Variants in CNTN3 observed in about 807,000 individuals in gnomAD.
The protein encoded by CNTN3 is contactin 3.
A neutral mutation model predicts 119.1 loss-of-function variants in CNTN3; 60 were observed. The ratio of observed to expected loss-of-function variants is 0.50; its 90% confidence interval spans 0.41 to 0.62. The LOEUF (loss-of-function observed/expected upper bound fraction) is 0.62, where lower values mean the gene tolerates loss of function less well. Ranked by LOEUF, CNTN3 falls within the 20% of genes least tolerant of loss-of-function variation. The probability of loss-of-function intolerance (pLI) is 0.00; values close to 1 mark genes in which losing one functional copy is unlikely to be tolerated. For missense variants in CNTN3, 1,101 were observed against 1,242.4 expected, an observed-to-expected ratio of 0.89 and a Z score of 1.71; for synonymous variants, 450 against 438.7, an observed-to-expected ratio of 1.03 and a Z score of -0.32.
At chr3:74,275,874 A>G (rs528724300) in intron 20 of CNTN3, among the ~76,000 whole-genome samples, 2 of 152,224 alleles carry the variant, frequency 1.3e-5, no homozygotes, top group South Asian at 4.1e-4. Flanking sequence ...TCACCAAACA[A>G]ATATCTGCTG....
At chr3:74,589,434 A>G (rs868551243) in intron 1 of CNTN3, among the ~76,000 whole-genome samples, 2,899 of 144,370 alleles carry the variant, frequency 0.02, 66 homozygotes, top group African/African-American at 0.073. Flanking sequence ...TTAGAATGGC[A>G]ATCATTAAAA....
chr3:74,442,642 C>T (rs1170368297), intron 4 of CNTN3, among the ~76,000 whole-genome samples: 1 of 152,180 alleles, frequency 6.6e-6, no homozygotes, highest in Non-Finnish European at 1.5e-5. Flanking sequence ...TCTATAGGGA[C>T]TGGCTAACAT....
At chr3:74,563,990 A>G (rs1704190310) in intron 1 of CNTN3, among the ~76,000 whole-genome samples, 1 of 152,156 alleles carries the variant, frequency 6.6e-6, no homozygotes, top group Non-Finnish European at 1.5e-5. Context: ...GCACCAAGCC[A>G]GGAGCTGCAA....
chr3:74,488,025 G>A (rs1036504354), intron 3 of CNTN3, among the ~76,000 whole-genome samples: 1 of 148,554 alleles, frequency 6.7e-6, no homozygotes, highest in Non-Finnish European at 1.5e-5. Context: ...TAATTATACT[G>A]TATAATTATA....
chr3:74,466,803 G>A (rs554545225), intron 4 of CNTN3, among the ~76,000 whole-genome samples: 23 of 152,070 alleles, frequency 1.5e-4, no homozygotes, highest in African/African-American at 5.1e-4. Flanking sequence ...GAATAAAAAA[G>A]ATACATAAAA....
At chr3:74,301,322 C>T (rs1702448106) in intron 16 of CNTN3, 76 bp downstream of exon 16, 1 of 1,458,560 alleles carries the variant, frequency 6.9e-7, no homozygotes, top group South Asian at 1.3e-5. Flanking sequence ...CCCCTGCTGG[C>T]CTGGAGTTCA....
At chr3:74,372,386 G>A (rs998347571) in intron 5 of CNTN3, among the ~76,000 whole-genome samples, 8 of 152,008 alleles carry the variant, frequency 5.3e-5, no homozygotes, top group African/African-American at 1.9e-4. Flanking sequence ...AGGAACCATT[G>A]TTCTTCTCTT....
At chr3:74,426,136 C>T (rs556627662) in intron 4 of CNTN3, among the ~76,000 whole-genome samples, 15 of 152,020 alleles carry the variant, frequency 9.9e-5, no homozygotes, top group Admixed American at 2.6e-4. Context: ...GAGAAAATTC[C>T]GTTGACTTCA....
intron 5 of CNTN3, among the ~76,000 whole-genome samples, chr3:74,375,970 C>T (rs969514193): frequency 6.6e-6 from 1 of 151,464 alleles, no homozygotes; most frequent in Non-Finnish European, 1.5e-5. Flanking sequence ...CACCAGGGTC[C>T]TTAGAAGGGA....
intron 13 of CNTN3, among the ~76,000 whole-genome samples, chr3:74,328,441 C>A (rs923947832): frequency 1.3e-5 from 2 of 152,192 alleles, no homozygotes; most frequent in Admixed American, 6.5e-5. Context: ...TAAATATTTG[C>A]ATATATTTTC....
chr3:74,471,909 G>A (rs1396278291), intron 4 of CNTN3, among the ~76,000 whole-genome samples: 3 of 152,146 alleles, frequency 2.0e-5, no homozygotes, highest in Admixed American at 6.6e-5. Context: ...AAACAAGGAC[G>A]TTCCTAAATG....
chr3:74,324,793 GAAAA>G (rs201763929), intron 13 of CNTN3, among the ~76,000 whole-genome samples: 1 of 149,436 alleles, frequency 6.7e-6, no homozygotes, highest in African/African-American at 2.5e-5. Flanking sequence ...ACTCAAAAAT[GAAAA>G]AAAAAATTCT....
At chr3:74,551,046 T>G (rs1394613642) in intron 1 of CNTN3, among the ~76,000 whole-genome samples, 1 of 152,214 alleles carries the variant, frequency 6.6e-6, no homozygotes, top group Non-Finnish European at 1.5e-5. Flanking sequence ...TGGCAGTAAG[T>G]TGATTACATG....
In CNTN3 at chr3:74,361,946, G is replaced by A. The variant is rs372933850; in HGVS notation, c.1308C>T (p.Ser436=). ...TCTTCCAGGAAGAGAGTGCCCTTGG[G>A]GAGGCTCTGGGTTTACAATCCAAGC... is the stretch of plus-strand genomic sequence containing the variant. ...LVSLDCKPRA[S]PRALSSWKKG... Residue 436 remains serine (S), a synonymous_variant, in exon 11 of 23, where the codon TCC becomes TCT. Transcript: ENST00000263665. The A allele has an allele frequency of 5.0e-6, 8 of 1,613,594 alleles. No homozygotes were observed. In the African/African-American group the frequency reaches 9.4e-5, roughly 19 times the overall value.
chr3:74,470,487 G>C (rs1702539780), intron 4 of CNTN3, among the ~76,000 whole-genome samples: 1 of 152,122 alleles, frequency 6.6e-6, no homozygotes, highest in African/African-American at 2.4e-5. Context: ...CTCTGGGAAA[G>C]AGATAGAAAG....
chr3:74,325,941 A>G (rs1281577930), intron 13 of CNTN3, among the ~76,000 whole-genome samples: 1 of 152,174 alleles, frequency 6.6e-6, no homozygotes, highest in Non-Finnish European at 1.5e-5. Context: ...CTTGTCTTTC[A>G]AAGTGCTATT....
chr3:74,336,435 T>C, intron 12 of CNTN3, 96 bp downstream of exon 12: 1 of 1,272,622 alleles, frequency 7.9e-7, no homozygotes, highest in Non-Finnish European at 1.1e-6. Flanking sequence ...ACCTTCATAG[T>C]GTACTGAACA....
chr3:74,542,046 A>G (rs1056865633), intron 1 of CNTN3, among the ~76,000 whole-genome samples: 21 of 152,098 alleles, frequency 1.4e-4, no homozygotes, highest in African/African-American at 4.8e-4. Flanking sequence ...TAGCCTGGAC[A>G]ACATAGCAAG....
chr3:74,311,429 A>G (rs2106639785), intron 13 of CNTN3, among the ~76,000 whole-genome samples: 1 of 152,368 alleles, frequency 6.6e-6, no homozygotes, highest in African/African-American at 2.4e-5. Flanking sequence ...ATAAAATCAG[A>G]ATGTTTTACA....
Sources: allele counts gnomAD v4.1 joint callset (sites outside exome capture counted in the v4.1 genomes callset), GRCh38; gene constraint gnomAD v4.1.1; transcripts MANE v1.5; gene names NCBI Gene and HGNC (gene_info 2026-07-23, HGNC 2026-07-21).